The following TRIM59 variants were observed in gnomAD, a reference collection of about 807,000 sequenced individuals.
The protein encoded by TRIM59 is tripartite motif-containing protein 59.
A neutral mutation model predicts 32.2 loss-of-function variants in TRIM59; 14 were observed. The ratio of observed to expected loss-of-function variants is 0.43; its 90% CI spans 0.29 to 0.68. The LOEUF is 0.68. TRIM59 is among the 30% of genes least tolerant of loss of function. TRIM59 has a pLI of 0.15. For missense variants in TRIM59, 471 were observed against 463.3 expected (o/e 1.02, Z -0.15); for synonymous variants, 163 against 155.1 (o/e 1.05, Z -0.38).
rs1450176625 is a variant in TRIM59, at chr3:160,436,537, GCC to G, written c.*1433_*1434del. The G allele has an allele frequency of 1.5e-5, 15 of 985,206 alleles. No individual in the cohort carries two copies. The highest frequency in any genetic ancestry group is 6.0e-6 in the Non-Finnish European group (5 of 829,702). The allele number at this position is 985,206 out of a possible 1,614,324, so 61.0% of individuals were successfully genotyped here. ...TGTTGGGCCGGGCGTGGCGGCTCACGCCTATAATCCCAGCATTTTGGGAGGCT... is the reference window on the plus strand; with the variant it reads ...TGTTGGGCCGGGCGTGGCGGCTCACGTATAATCCCAGCATTTTGGGAGGCT... On this transcript the variant is annotated 3_prime_UTR_variant, in exon 3 of 3. Transcript: ENST00000309784.
chr3:160,438,125 TATG>T lies in TRIM59; in HGVS notation c.1056_1058del (p.Ile353del), dbSNP rs767907599. The stretch of plus-strand genomic sequence containing the variant: ...TTAAAGTGATTTCACTTAAAAAGGT[TATG>T]ATGTGTTGGTTGAAAAAGAGTATCG... On this transcript the variant is annotated inframe_deletion, in exon 3 of 3. Coordinates refer to ENST00000309784, the MANE Select transcript of TRIM59 (RefSeq NM_173084.3). 6 of 1,612,670 alleles carry T rather than the reference TATG, an allele frequency of 3.7e-6. No homozygotes were observed. The South Asian group carries it at 6.6e-5, about 18-fold the overall frequency.
At chr3:160,439,322 T>C in intron 2 of TRIM59, 136 bp from the exon 3 acceptor site, 1 of 680,182 alleles carries the variant, frequency 1.5e-6, no homozygotes, top group Non-Finnish European at 2.2e-6. Context: ...TAAAATGAAG[T>C]TTTCTGAGTA....
At chr3:160,445,773 CAAA>C (rs75175042) in intron 2 of TRIM59, among the ~76,000 whole-genome samples, 21 of 90,884 alleles carry the variant, frequency 2.3e-4, no homozygotes, top group Admixed American at 4.7e-4. Flanking sequence ...GACTCTGTCT[CAAA>C]AAAAAAAAAA....
intron 2 of TRIM59, 80 bp downstream of exon 2, chr3:160,448,646 T>G: frequency 1.2e-6 from 1 of 838,634 alleles, no homozygotes; most frequent in Non-Finnish European, 1.7e-6. Context: ...GACTTCTAAA[T>G]TTCACTTTGT....
chr3:160,436,280 T>TAG lies in TRIM59; in HGVS notation c.*1690_*1691dup, dbSNP rs1365255619. 3 of 987,946 alleles carry TAG rather than the reference T, an allele frequency of 3.0e-6. No homozygotes were observed. In the African/African-American group the frequency reaches 5.2e-5, roughly 17 times the overall value. The allele number at this position is 987,946 out of a possible 1,614,324, so 61.2% of individuals were successfully genotyped here. On this transcript the variant is annotated 3_prime_UTR_variant, in exon 3 of 3. Coordinates refer to ENST00000309784, the MANE Select transcript of TRIM59 (RefSeq NM_173084.3). ...TGTGCAATCTGTAGGGCCAGGAGCATAGTCTAATCTGACCCAGAATGTCTT... is the reference window on the plus strand; with the variant it reads ...TGTGCAATCTGTAGGGCCAGGAGCATAGAGTCTAATCTGACCCAGAATGTCTT...
intron 2 of TRIM59, among the ~76,000 whole-genome samples, chr3:160,442,232 C>G (rs1719292609): frequency 6.6e-6 from 1 of 152,100 alleles, no homozygotes; most frequent in Admixed American, 6.5e-5. Flanking sequence ...TTGCAGAAAA[C>G]TAGGGAACAA....
intron 1 of TRIM59, among the ~76,000 whole-genome samples, chr3:160,449,176 T>G (rs1170719819): frequency 1.3e-5 from 2 of 152,168 alleles, no homozygotes; most frequent in Non-Finnish European, 2.9e-5. Context: ...TATAACTGAT[T>G]TAGTATAGTT....
chr3:160,438,190 T>C lies in TRIM59; in HGVS notation c.994A>G (p.Ile332Val). Residue 332 changes from isoleucine to valine, a missense_variant, in exon 3 of 3, where the codon ATT becomes GTT. Physicochemically the swap from Ile to Val is conservative, Grantham distance 29. Coordinates refer to ENST00000309784, the MANE Select transcript of TRIM59 (RefSeq NM_173084.3). ...ACTGAAATTAATGTAACTACAACAA[T>C]GTTTAAAATTTTTAAAAATTCAACT... ...KEVEFLKILN[I>V]VVVTLISVIL... The C allele has an allele frequency of 3.1e-6, 5 of 1,612,742 alleles. No individual in the cohort carries two copies. The highest frequency in any genetic ancestry group is 1.1e-5 in the South Asian group (1 of 90,744).
chr3:160,439,972 C>G (rs191255250), intron 2 of TRIM59, among the ~76,000 whole-genome samples: 4 of 152,242 alleles, frequency 2.6e-5, no homozygotes, highest in East Asian at 3.9e-4. Flanking sequence ...TCTATTACAA[C>G]AAGTTAGGCT....
At position 160,438,040 on chromosome 3, in the gene TRIM59, C is replaced by T. The variant is rs2108514252; in HGVS notation, c.1144G>A (p.Val382Ile). 2 of 1,596,954 alleles carry T rather than the reference C, an allele frequency of 1.3e-6. No homozygotes were observed. Among genetic ancestry groups the T allele is most frequent in the Non-Finnish European group, 8.5e-7 (1 of 1,175,476 alleles). ...AAAATGTGACACAGTATATTCTTTACCTTATGCAGACTGTTAGATAAACTT... is the reference window on the plus strand; with the variant it reads ...AAAATGTGACACAGTATATTCTTTATCTTATGCAGACTGTTAGATAAACTT... ...YQSLSNSLHKVKNILCHIFYL... is the reference protein window; with the variant it reads ...YQSLSNSLHKIKNILCHIFYL... The change falls in exon 3 of 3, where the codon GTA becomes ATA. Residue 382 changes from valine (V) to isoleucine (I), a missense_variant. Val to Ile is a conservative substitution (Grantham distance 29). Transcript: ENST00000309784.
chr3:160,449,731 G>C lies in TRIM59; in HGVS notation c.-88C>G. The C allele has an allele frequency of 7.8e-7, 1 of 1,289,970 alleles. No individual in the cohort carries two copies. The highest frequency in any genetic ancestry group is 1.2e-5 in the South Asian group (1 of 81,030). The allele number at this position is 1,289,970 out of a possible 1,614,324, so 79.9% of individuals were successfully genotyped here. ...CTTAGACTCACCGCGGGGAGGAAGC[G>C]GACCAGGCAACTCCACAGCACGGAA... On this transcript the variant is annotated 5_prime_UTR_variant, in exon 1 of 3. Coordinates refer to ENST00000309784, the MANE Select transcript of TRIM59 (RefSeq NM_173084.3).
rs1192305373 is a variant in TRIM59, at chr3:160,438,077, T to G, written c.1107A>C (p.Leu369=). The change falls in exon 3 of 3, where the codon CTA becomes CTC. Residue 369 remains leucine, a synonymous_variant. Transcript: ENST00000309784. ...ITLIWFSEAS[L]SVYQSLSNSL... ...TGTTAGATAAACTTTGGTAAACAGA[T>G]AGAGAGGCTTCAGAAAACCATATTA... 1.2e-6 allele frequency: 2 copies of G among 1,606,392 alleles called. No homozygotes were observed. The highest frequency in any genetic ancestry group is 8.5e-7 in the Non-Finnish European group (1 of 1,175,580).
At chr3:160,439,695 C>A (rs7643188) in intron 2 of TRIM59, among the ~76,000 whole-genome samples, 1 of 152,132 alleles carries the variant, frequency 6.6e-6, no homozygotes, top group East Asian at 1.9e-4. Context: ...GTGAGACGTG[C>A]CTTTCACCTT....
rs1407289257 is a variant in TRIM59 at position 160,436,893 on chromosome 3, G to A, written c.*1079C>T. 3.1e-6 allele frequency: 3 copies of A among 981,234 alleles called. No individual in the cohort carries two copies. The highest frequency in any genetic ancestry group is 3.6e-6 in the Non-Finnish European group (3 of 828,876). 60.8% of individuals were successfully genotyped at this position (981,234 alleles called of 1,614,324 possible). On this transcript the variant is annotated 3_prime_UTR_variant, in exon 3 of 3. Coordinates refer to ENST00000309784, the MANE Select transcript of TRIM59 (RefSeq NM_173084.3). ...GTAGAAAATTTAAATGAGTTAAGAT[G>A]AATAAAGTCCACATGATGCCATCAA...
chr3:160,437,969 T>A lies in TRIM59; in HGVS notation c.*3A>T. 6.5e-7 allele frequency: 1 copy of A among 1,535,226 alleles called. No individual in the cohort carries two copies. The highest frequency in any genetic ancestry group is 1.8e-4 in the Middle Eastern group (1 of 5,688). ...CCCATTTAAACAATTCAGGTTGACA[T>A]TTTCAATGGGAAACTATTTTCCACA... On this transcript the variant is annotated 3_prime_UTR_variant, in exon 3 of 3. Coordinates refer to ENST00000309784, the MANE Select transcript of TRIM59 (RefSeq NM_173084.3).
chr3:160,441,534 A>AT (rs1210816919), intron 2 of TRIM59, among the ~76,000 whole-genome samples: 3 of 152,236 alleles, frequency 2.0e-5, no homozygotes, highest in Non-Finnish European at 4.4e-5. Flanking sequence ...TGGGTGAATC[A>AT]TGAGGTCAGG....
intron 2 of TRIM59, chr3:160,447,736 T>C (rs1037191717): frequency 6.6e-5 from 10 of 152,260 alleles, no homozygotes; most frequent in African/African-American, 2.2e-4. Context: ...TATTACATTA[T>C]AGAATTCGAT....
rs1348198045 is a variant in TRIM59, at chr3:160,435,559, A to G, written c.*2413T>C. The G allele has an allele frequency of 5.9e-6, 1 of 168,458 alleles. No homozygotes were observed. The highest frequency in any genetic ancestry group is 1.3e-5 in the Non-Finnish European group (1 of 78,030). The allele number at this position is 168,458 out of a possible 1,614,324, so 10.4% of individuals were successfully genotyped here. A position where few individuals can be genotyped will look rare whatever the true frequency, so the allele number is the denominator to read the frequency against. On this transcript the variant is annotated 3_prime_UTR_variant, in exon 3 of 3. Transcript: ENST00000309784. ...TATTTTGTTATACATAAAACTTAGA[A>G]ATATTTCAAGATTTACATACATCAA... is the stretch of plus-strand genomic sequence containing the variant.
Position 160,438,563 on chromosome 3 carries a change from G to C in TRIM59, c.621C>G (p.Leu207=), listed in dbSNP as rs1235575788. The C allele has an allele frequency of 1.2e-6, 2 of 1,611,118 alleles. No individual in the cohort carries two copies. The stretch of plus-strand genomic sequence containing the variant: ...GATTAATTAGATTGCCAACATCACA[G>C]AGAGCCGTTAGGAAACTTTTTTTTT... ...EQKKKSFLTA[L]CDVGNLINQE... The change falls in exon 3 of 3, where the codon CTC becomes CTG. Residue 207 remains leucine (L), a synonymous_variant. Coordinates refer to ENST00000309784, the MANE Select transcript of TRIM59 (RefSeq NM_173084.3).
Sources: allele counts gnomAD v4.1 joint callset (sites outside exome capture counted in the v4.1 genomes callset), GRCh38; gene constraint gnomAD v4.1.1; transcripts MANE v1.5; gene names NCBI Gene and HGNC (gene_info 2026-07-23, HGNC 2026-07-21).